Variants in MID1 observed in about 807,000 individuals in gnomAD.
MID1 encodes E3 ubiquitin-protein ligase Midline-1.
In MID1, 7 loss-of-function variants were observed where a neutral mutation model predicts 40.4. The ratio of observed to expected loss-of-function variants is 0.17; its 90% CI spans 0.10 to 0.33. The LOEUF (loss-of-function observed/expected upper bound fraction) is 0.33. MID1 is among the 10% of genes least tolerant of loss of function. MID1 has a pLI of 1.00. For synonymous variants in MID1, 229 were observed against 221.2 expected, an observed-to-expected ratio of 1.04 and a Z score of -0.31; for missense variants, 367 against 558.5, an observed-to-expected ratio of 0.66 and a Z score of 3.46.
chrX:10,522,490 T>G (rs994948944), intron 3 of MID1, among the ~76,000 whole-genome samples: 2 of 112,345 alleles, frequency 1.8e-5, no homozygotes, highest in Non-Finnish European at 3.8e-5. Context: ...GTAGCCATAG[T>G]ACACTAATAC....
chrX:10,544,203 A>AT (rs925119240), intron 2 of MID1, among the ~76,000 whole-genome samples: 18 of 105,111 alleles, frequency 1.7e-4, no homozygotes, highest in East Asian at 5.9e-4. Flanking sequence ...CATTTCATTC[A>AT]TTTTTTTTTT....
chrX:10,706,042 T>C (rs1030169085), intron 1 of MID1, among the ~76,000 whole-genome samples: 1 of 111,328 alleles, frequency 9.0e-6, no homozygotes, highest in Non-Finnish European at 1.9e-5. Flanking sequence ...TGGGGACTGC[T>C]GTCCTATGCA....
chrX:10,630,897 G>T (rs1936046184), intron 1 of MID1, among the ~76,000 whole-genome samples: 1 of 110,623 alleles, frequency 9.0e-6, no homozygotes, highest in African/African-American at 3.3e-5. Flanking sequence ...TTGTTTCCTG[G>T]GACAGCTGGG....
In MID1 at chrX:10,511,763, G is replaced by C. The variant is rs376396320; in HGVS notation, c.756+11329C>G. ...AAATGCTTAGAACCAGAAGTGTTTTGGATTTTGGAATATTTGCACATACAT... is the reference window on the plus strand; with the variant it reads ...AAATGCTTAGAACCAGAAGTGTTTTCGATTTTGGAATATTTGCACATACAT... On this transcript the variant is annotated intron_variant, in intron 3 of 9. Transcript: ENST00000317552. Among the ~76,000 whole-genome samples the C allele has an allele frequency of 3.6e-5, 4 of 112,196 alleles. No homozygotes were observed. In the East Asian group the frequency reaches 1.1e-3, roughly 31 times the overall value.
chrX:10,492,464 T>G (rs1017388219), intron 4 of MID1, among the ~76,000 whole-genome samples: 6 of 111,951 alleles, frequency 5.4e-5, no homozygotes, highest in Non-Finnish European at 7.5e-5. Context: ...GTGCTCCTGT[T>G]CTGTGTGGGT....
At chrX:10,697,510 T>G (rs926170040) in intron 1 of MID1, among the ~76,000 whole-genome samples, 3 of 112,027 alleles carry the variant, frequency 2.7e-5, no homozygotes, top group Admixed American at 1.9e-4. Context: ...TGTGCATTCA[T>G]CACTGATGAC....
At chrX:10,745,464 T>A (rs1341666297) in intron 1 of MID1, among the ~76,000 whole-genome samples, 1 of 112,191 alleles carries the variant, frequency 8.9e-6, no homozygotes, top group Admixed American at 9.4e-5. Flanking sequence ...TATCCTACCA[T>A]CTGACTCACA....
intron 1 of MID1, among the ~76,000 whole-genome samples, chrX:10,656,765 T>TA (rs1177435255): frequency 0.015 from 1,543 of 104,684 alleles, 27 homozygotes; most frequent in African/African-American, 0.047. Flanking sequence ...TGATTTTTTT[T>TA]AAAAAAAAAA....
intron 1 of MID1, among the ~76,000 whole-genome samples, chrX:10,600,485 G>C (rs761759821): frequency 8.1e-5 from 9 of 111,529 alleles, no homozygotes; most frequent in Non-Finnish European, 1.5e-4. Flanking sequence ...GGGAAGGTGG[G>C]ACATATGCTC....
chrX:10,638,491 T>C (rs986764940), intron 1 of MID1, among the ~76,000 whole-genome samples: 3 of 111,432 alleles, frequency 2.7e-5, no homozygotes, highest in Non-Finnish European at 5.7e-5. Context: ...CTTGAGAAGG[T>C]GAACAAAGCT....
chrX:10,637,574 G>A (rs777812423), intron 1 of MID1, among the ~76,000 whole-genome samples: 1 of 107,748 alleles, frequency 9.3e-6, no homozygotes, highest in South Asian at 4.2e-4. Context: ...GGAGTGAGCC[G>A]AGATTGCACC....
chrX:10,799,282 G>T (rs1403323275), intron 1 of MID1, among the ~76,000 whole-genome samples: 1 of 111,543 alleles, frequency 9.0e-6, no homozygotes, highest in Non-Finnish European at 1.9e-5. Flanking sequence ...TTGACAAGCA[G>T]GCTAGAATGT....
intron 9 of MID1, among the ~76,000 whole-genome samples, chrX:10,451,891 A>G (rs1444316970): frequency 2.7e-5 from 3 of 111,200 alleles, no homozygotes; most frequent in African/African-American, 6.6e-5. Flanking sequence ...TTATGTCTTT[A>G]CCAGCAGCAT....
chrX:10,572,966 G>C lies in MID1; in HGVS notation c.-56-5363C>G, dbSNP rs140307337. On this transcript the variant is annotated intron_variant, in intron 1 of 9. Coordinates refer to ENST00000317552, the MANE Select transcript of MID1 (RefSeq NM_000381.4). ...ACTTATTAGCTGTCTGAGTATCCAT[G>C]GGTGAGTGTCCACAGATGTTCCCTA... Among the ~76,000 whole-genome samples the C allele has an allele frequency of 6.1e-3, 680 of 112,080 alleles. 6 individuals are homozygous for C. Among genetic ancestry groups the C allele is most frequent in the African/African-American group, 0.021 (642 of 30,790 alleles).
chrX:10,620,570 T>C lies in MID1; in HGVS notation c.-337A>G, dbSNP rs987179759. The C allele has an allele frequency of 8.9e-6, 1 of 112,576 alleles. No individual in the cohort carries two copies. The highest frequency in any genetic ancestry group is 1.9e-5 in the Non-Finnish European group (1 of 53,296). The allele number at this position is 112,576 out of a possible 1,213,427, so 9.3% of individuals were successfully genotyped here. On this transcript the variant is annotated 5_prime_UTR_variant, in exon 1 of 10. Coordinates refer to ENST00000317552, the MANE Select transcript of MID1 (RefSeq NM_000381.4). ...GGAAGCGAGGACCGCCTGGCTCTTA[T>C]TTCAAATCAGTTCTCAGAGACGTTG...
intron 1 of MID1, among the ~76,000 whole-genome samples, chrX:10,745,747 T>A (rs1040746985): frequency 8.9e-6 from 1 of 112,475 alleles, no homozygotes; most frequent in Non-Finnish European, 1.9e-5. Flanking sequence ...TCTTTTGACA[T>A]GTGTGAACTG....
At chrX:10,830,953 G>C (rs1025383205) in intron 1 of MID1, among the ~76,000 whole-genome samples, 9 of 111,896 alleles carry the variant, frequency 8.0e-5, no homozygotes, top group African/African-American at 2.9e-4. Flanking sequence ...ATTTTGACTG[G>C]TTTGATCAAT....
rs771053684 is a variant in MID1 at position 10,560,737 on chromosome X, G to GA, written c.660+6150dup. Among the ~76,000 whole-genome samples, 274 of 110,624 alleles carry GA rather than the reference G, an allele frequency of 2.5e-3. 2 individuals are homozygous for GA. Among genetic ancestry groups the GA allele is most frequent in the African/African-American group, 7.7e-3 (233 of 30,385 alleles). On this transcript the variant is annotated intron_variant, in intron 2 of 9. Coordinates refer to ENST00000317552, the MANE Select transcript of MID1 (RefSeq NM_000381.4). Reference sequence around the variant, plus strand: ...AAATAAGAGAGGACACAAACAAATGGAAAAAAAATCCATGCTCATGGATAG... The same window carrying GA: ...AAATAAGAGAGGACACAAACAAATGGAAAAAAAAATCCATGCTCATGGATAG...
chrX:10,728,196 C>G (rs1321262024), intron 1 of MID1, among the ~76,000 whole-genome samples: 1 of 110,787 alleles, frequency 9.0e-6, no homozygotes, highest in Non-Finnish European at 1.9e-5. Context: ...CTTTTCCCCC[C>G]CCAGGAAAAA....
Sources: gnomAD v4.1 joint callset for allele counts (sites outside exome capture counted in the v4.1 genomes callset) on GRCh38, gnomAD v4.1.1 for gene constraint, MANE v1.5 for transcripts, NCBI Gene and HGNC (gene_info 2026-07-23, HGNC 2026-07-21) for gene names.